The following GATM variants were observed in gnomAD, a reference collection of about 807,000 sequenced individuals.
The protein encoded by GATM is glycine amidinotransferase, mitochondrial.
A neutral mutation model predicts 54.2 loss-of-function variants in GATM; 23 were observed. That is an observed-to-expected ratio of 0.42 (90% CI 0.31 to 0.60). The LOEUF (loss-of-function observed/expected upper bound fraction) is 0.60, where lower values mean the gene tolerates loss of function less well. GATM is among the 20% of genes least tolerant of loss of function. The pLI, the probability that GATM is intolerant of heterozygous loss-of-function variation, is 0.14. For missense variants in GATM, 401 were observed against 544.9 expected (o/e 0.74, Z 2.63); for synonymous variants, 168 against 183.1 (o/e 0.92, Z 0.67).
intron 3 of GATM, among the ~76,000 whole-genome samples, chr15:45,390,732 ACACAGAATCTAC>A (rs1417195264): frequency 0.14 from 21,496 of 152,242 alleles, 5,012 homozygotes; most frequent in African/African-American, 0.49. Context: ...CTGATAAGAT[ACACAGAATCTAC>A]TTATTTAAAT....
At position 45,377,565 on chromosome 15, in the gene GATM, G is replaced by T. The variant is rs528944667; in HGVS notation, c.70-746C>A. 20 of 299,154 alleles carry T rather than the reference G, an allele frequency of 6.7e-5. No individual in the cohort carries two copies. The East Asian group carries it at 1.9e-3, about 28-fold the overall frequency. 18.5% of individuals were successfully genotyped at this position (299,154 alleles called of 1,614,324 possible). A position where few individuals can be genotyped will look rare whatever the true frequency, so the allele number is the denominator to read the frequency against. ...GCCTATAAAATCTAGAGCAGGGAGG[G>T]TCCCTCAACCCCTGAGCAAACCTCA... On this transcript the variant is annotated intron_variant, in intron 1 of 8. Coordinates refer to ENST00000396659, the MANE Select transcript of GATM (RefSeq NM_001482.3).
At chr15:45,377,346 A>C (rs919301452) in intron 1 of GATM, 1 of 424,652 alleles carries the variant, frequency 2.4e-6, no homozygotes, top group Non-Finnish European at 4.6e-6. Flanking sequence ...AACCAGCTTC[A>C]AATCAAATTT....
intron 3 of GATM, among the ~76,000 whole-genome samples, chr15:45,396,635 C>G: frequency 6.6e-6 from 1 of 152,014 alleles, no homozygotes; most frequent in African/African-American, 2.4e-5. Context: ...CTTTGGGAAG[C>G]TGAGGTGGGC....
intron 2 of GATM, among the ~76,000 whole-genome samples, chr15:45,374,781 C>G (rs971484186): frequency 6.6e-6 from 1 of 152,168 alleles, no homozygotes; most frequent in African/African-American, 2.4e-5. Flanking sequence ...TATATTAATA[C>G]CTCTAGAGCC....
rs1889373610 is a variant in GATM at position 45,362,037 on chromosome 15, G to C, written c.*72C>G. The C allele has an allele frequency of 1.1e-6, 1 of 880,600 alleles. No individual in the cohort carries two copies. Among genetic ancestry groups the C allele is most frequent in the South Asian group, 1.3e-5 (1 of 74,938 alleles). The allele number at this position is 880,600 out of a possible 1,614,324, so 54.5% of individuals were successfully genotyped here. On this transcript the variant is annotated 3_prime_UTR_variant, in exon 9 of 9. Transcript: ENST00000396659. ...CACTACAGTTCATGCACTTTTTAAA[G>C]CAGGAGAATGAACCTTGCCCCTAAG...
chr15:45,401,072 G>A (rs1889997304), intron 1 of GATM, among the ~76,000 whole-genome samples: 1 of 152,122 alleles, frequency 6.6e-6, no homozygotes, highest in South Asian at 2.1e-4. Context: ...GGAAGTAATG[G>A]GTGACTTATC....
chr15:45,401,414 G>C (rs1890004979), intron 1 of GATM, among the ~76,000 whole-genome samples: 1 of 152,220 alleles, frequency 6.6e-6, no homozygotes, highest in Admixed American at 6.5e-5. Context: ...GGGGAAAATA[G>C]AGGTAGGAAG....
In GATM at chr15:45,366,364, C is replaced by A. The variant is rs1204672868; in HGVS notation, c.813+7G>T. On this transcript the variant is annotated splice_region_variant and intron_variant, in intron 5 of 8. Transcript: ENST00000396659. ...AGTGTGAAATTTCAGAGGCAGCCTG[C>A]GTTCACCTGGCTTCTCTGTGCAAAA... 6.2e-7 allele frequency: 1 copy of A among 1,613,974 alleles called. No homozygotes were observed. The highest frequency in any genetic ancestry group is 8.5e-7 in the Non-Finnish European group (1 of 1,179,918).
chr15:45,389,302 A>G (rs1216748715), intron 3 of GATM, among the ~76,000 whole-genome samples: 2 of 152,258 alleles, frequency 1.3e-5, no homozygotes, highest in African/African-American at 2.4e-5. Context: ...TTATACTGAA[A>G]TTCACAGCAG....
At chr15:45,393,527 G>A (rs538045562) in intron 3 of GATM, among the ~76,000 whole-genome samples, 1 of 152,160 alleles carries the variant, frequency 6.6e-6, no homozygotes, top group African/African-American at 2.4e-5. Context: ...AGCTATTACT[G>A]TTTATTGGAG....
At chr15:45,399,628 T>G (rs1033255497) in intron 1 of GATM, 1 of 153,382 alleles carries the variant, frequency 6.5e-6, no homozygotes, top group African/African-American at 2.4e-5. Flanking sequence ...ATTTATAAGC[T>G]ACCTCGTTCG....
chr15:45,387,369 G>C lies in GATM; in HGVS notation c.-319+9553C>G, dbSNP rs372309408. Among the ~76,000 whole-genome samples the C allele has an allele frequency of 5.2e-4, 79 of 152,088 alleles. No homozygotes were observed. In the East Asian group the frequency reaches 0.013, roughly 26 times the overall value. On this transcript the variant is annotated intron_variant, in intron 3 of 4. Coordinates refer to the GATM transcript ENST00000561148. ...CAGATATTTACAAACAGCCAATGAA[G>C]ATAAATGTTTACTAGTATAGGACTA...
intron 3 of GATM, among the ~76,000 whole-genome samples, chr15:45,386,621 A>G (rs1889806889): frequency 6.6e-6 from 1 of 152,164 alleles, no homozygotes; most frequent in Admixed American, 6.5e-5. Context: ...CACTTTGCCC[A>G]GTTCTCAGTC....
intron 2 of GATM, 77 bp downstream of exon 2, chr15:45,376,524 A>G (rs1485080503): frequency 2.4e-6 from 3 of 1,237,240 alleles, no homozygotes; most frequent in Non-Finnish European, 3.6e-6. Flanking sequence ...AGTAAGCTGA[A>G]GGGAAAGCAG....
chr15:45,399,457 T>C (rs1299485622), intron 2 of GATM: 1 of 152,206 alleles, frequency 6.6e-6, no homozygotes, highest in Non-Finnish European at 1.5e-5. Flanking sequence ...ATGGGATTAG[T>C]GTGCTTATAA....
chr15:45,378,701 A>ATGCT, upstream of GATM: 1 of 383,286 alleles, frequency 2.6e-6, no homozygotes, highest in South Asian at 5.5e-5. Flanking sequence ...CGAGCCTCCG[A>ATGCT]TGCTTGCCCT....
intron 3 of GATM, among the ~76,000 whole-genome samples, chr15:45,386,930 A>C (rs1463337185): frequency 6.6e-6 from 1 of 152,246 alleles, no homozygotes; most frequent in Non-Finnish European, 1.5e-5. Flanking sequence ...CAAGCTTAGA[A>C]TCAAAGTAGG....
chr15:45,369,255 T>G, intron 3 of GATM, 71 bp downstream of exon 3: 1 of 1,404,604 alleles, frequency 7.1e-7, no homozygotes, highest in Non-Finnish European at 1.0e-6. Flanking sequence ...TTTTTGGAGC[T>G]TTCCCCTTAC....
At chr15:45,388,892 A>G (rs1353119455) in intron 3 of GATM, among the ~76,000 whole-genome samples, 2 of 152,194 alleles carry the variant, frequency 1.3e-5, no homozygotes, top group African/African-American at 4.8e-5. Flanking sequence ...CTGGAAAGGA[A>G]GAGGGGTTTA....
Sources: gnomAD v4.1 joint callset for allele counts (sites outside exome capture counted in the v4.1 genomes callset) on GRCh38, gnomAD v4.1.1 for gene constraint, MANE v1.5 for transcripts, NCBI Gene and HGNC (gene_info 2026-07-23, HGNC 2026-07-21) for gene names.